The following ITGBL1 variants were observed in gnomAD, a reference collection of about 807,000 sequenced individuals.
ITGBL1 encodes integrin beta-like protein 1.
A neutral mutation model predicts 68.5 loss-of-function variants in ITGBL1; 51 were observed. The observed-to-expected ratio is 0.74, with a 90% CI of 0.59 to 0.94. ITGBL1 has a LOEUF of 0.94. Ranked by LOEUF, ITGBL1 falls within the 40% of genes least tolerant of loss-of-function variation. ITGBL1 has a pLI of 0.00. For missense variants in ITGBL1, 649 were observed against 647.4 expected, an observed-to-expected ratio of 1.00 and a Z score of -0.03; for synonymous variants, 209 against 227.3, an observed-to-expected ratio of 0.92 and a Z score of 0.72.
intron 2 of ITGBL1, among the ~76,000 whole-genome samples, chr13:101,535,786 A>T (rs940345134): frequency 3.3e-5 from 5 of 152,058 alleles, no homozygotes; most frequent in Non-Finnish European, 5.9e-5. Flanking sequence ...TCTGAAAAAA[A>T]TTTTTCCTTG....
chr13:101,527,096 T>C (rs1352895486), intron 2 of ITGBL1, among the ~76,000 whole-genome samples: 2 of 152,124 alleles, frequency 1.3e-5, no homozygotes, highest in Admixed American at 6.6e-5. Context: ...AAATCACATC[T>C]ATTAAGATAA....
At chr13:101,547,434 G>C (rs1378908598) in intron 2 of ITGBL1, among the ~76,000 whole-genome samples, 1 of 151,404 alleles carries the variant, frequency 6.6e-6, no homozygotes, top group Non-Finnish European at 1.5e-5. Flanking sequence ...TTCTTGTTTA[G>C]TAAGAAAAAT....
At chr13:101,646,902 A>T (rs537344033) in intron 7 of ITGBL1, among the ~76,000 whole-genome samples, 1 of 152,282 alleles carries the variant, frequency 6.6e-6, no homozygotes, top group East Asian at 1.9e-4. Flanking sequence ...TTCAAATATC[A>T]AAAGCTAAAT....
At chr13:101,604,507 A>C (rs1459465954) in intron 7 of ITGBL1, among the ~76,000 whole-genome samples, 1 of 151,726 alleles carries the variant, frequency 6.6e-6, no homozygotes, top group Non-Finnish European at 1.5e-5. Flanking sequence ...TTTTGCAGGG[A>C]ATCATGACAG....
intron 2 of ITGBL1, among the ~76,000 whole-genome samples, chr13:101,486,086 A>G (rs1010593294): frequency 1.6e-4 from 24 of 151,402 alleles, no homozygotes; most frequent in African/African-American, 5.8e-4. Context: ...TGTGGAACCA[A>G]CCTAAGTGTC....
chr13:101,660,581 T>G (rs911396524), intron 7 of ITGBL1, among the ~76,000 whole-genome samples: 4 of 152,222 alleles, frequency 2.6e-5, no homozygotes, highest in Admixed American at 1.3e-4. Flanking sequence ...CAGGTCCCTC[T>G]CATCTTCCTA....
chr13:101,720,127 A>G (rs1280122459), downstream of ITGBL1: 1 of 151,916 alleles, frequency 6.6e-6, no homozygotes, highest in Non-Finnish European at 1.5e-5. Context: ...ACAAACTACA[A>G]TGCAGACAGA....
At chr13:101,611,234 A>G (rs960237546) in intron 7 of ITGBL1, among the ~76,000 whole-genome samples, 5 of 152,176 alleles carry the variant, frequency 3.3e-5, no homozygotes, top group Non-Finnish European at 7.3e-5. Flanking sequence ...TAGAAATGCC[A>G]AGTTAACGTT....
In ITGBL1 at chr13:101,604,874, A is replaced by G. The variant is rs1435074346; in HGVS notation, c.1015+6575A>G. 1.4e-3 allele frequency among the ~76,000 whole-genome samples: 61 copies of G among 42,074 alleles called. 6 individuals are homozygous for G. Among genetic ancestry groups the G allele is most frequent in the Admixed American group, 1.8e-3 (5 of 2,828 alleles). The allele number at this position is 42,074 out of a possible 152,430, so 27.6% of individuals were successfully genotyped here. ...TATATATATATATATATATATATATATATATATATATATACACACACACAC... is the reference window on the plus strand; with the variant it reads ...TATATATATATATATATATATATATGTATATATATATATACACACACACAC... On this transcript the variant is annotated intron_variant, in intron 7 of 10. Coordinates refer to ENST00000376180, the MANE Select transcript of ITGBL1 (RefSeq NM_004791.3).
At chr13:101,670,322 A>G (rs1414975189) in intron 7 of ITGBL1, among the ~76,000 whole-genome samples, 1 of 152,152 alleles carries the variant, frequency 6.6e-6, no homozygotes. Context: ...AGGTTATTTA[A>G]ATGGACTTCC....
intron 2 of ITGBL1, among the ~76,000 whole-genome samples, chr13:101,529,111 A>C (rs2049429966): frequency 6.6e-6 from 1 of 152,022 alleles, no homozygotes; most frequent in Non-Finnish European, 1.5e-5. Context: ...AGAACAAATA[A>C]ACACATGGAT....
intron 7 of ITGBL1, among the ~76,000 whole-genome samples, chr13:101,615,236 C>G (rs1218744964): frequency 2.0e-5 from 3 of 152,048 alleles, no homozygotes; most frequent in African/African-American, 4.8e-5. Context: ...CCCATAAGCA[C>G]AATAGTCTTC....
chr13:101,562,823 A>G (rs1385381178), intron 2 of ITGBL1, among the ~76,000 whole-genome samples: 1 of 151,922 alleles, frequency 6.6e-6, no homozygotes, highest in Non-Finnish European at 1.5e-5. Context: ...CCAAATTGAC[A>G]TTTATAGAAC....
rs2034687592 is a variant in ITGBL1, at chr13:101,715,677, A to G, written c.*23A>G. Reference sequence around the variant, plus strand: ...TAACAATTACATGAGAGAGGTCTGGATTCTTATTTTTTCTGGGCCATTAGA... The same window carrying G: ...TAACAATTACATGAGAGAGGTCTGGGTTCTTATTTTTTCTGGGCCATTAGA... On this transcript the variant is annotated 3_prime_UTR_variant, in exon 11 of 11. Coordinates refer to ENST00000376180, the MANE Select transcript of ITGBL1 (RefSeq NM_004791.3). The G allele has an allele frequency of 1.3e-6, 2 of 1,512,094 alleles. No homozygotes were observed. The highest frequency in any genetic ancestry group is 1.8e-6 in the Non-Finnish European group (2 of 1,087,338). 93.7% of individuals were successfully genotyped at this position (1,512,094 alleles called of 1,614,324 possible).
At chr13:101,559,113 A>G (rs2050059015) in intron 2 of ITGBL1, among the ~76,000 whole-genome samples, 1 of 152,196 alleles carries the variant, frequency 6.6e-6, no homozygotes, top group African/African-American at 2.4e-5. Flanking sequence ...TAAACATATC[A>G]TGATTATCTG....
At chr13:101,708,280 G>A (rs906948895) in intron 9 of ITGBL1, among the ~76,000 whole-genome samples, 5 of 152,156 alleles carry the variant, frequency 3.3e-5, no homozygotes, top group Admixed American at 6.5e-5. Flanking sequence ...CTCACCTCAT[G>A]TCTGGGGAGC....
intron 9 of ITGBL1, chr13:101,712,118 C>T (rs1436765395): frequency 6.6e-6 from 1 of 152,206 alleles, no homozygotes; most frequent in Non-Finnish European, 1.5e-5. Context: ...GTCCTAATAA[C>T]TATTCACACT....
At chr13:101,550,989 A>C (rs1460671648) in intron 2 of ITGBL1, among the ~76,000 whole-genome samples, 2 of 152,214 alleles carry the variant, frequency 1.3e-5, no homozygotes, top group Admixed American at 1.3e-4. Context: ...TTCAGAATAC[A>C]TGTTCCAGTC....
In ITGBL1 at chr13:101,652,545, T is replaced by C. The variant is rs952085520; in HGVS notation, c.1016-40040T>C. Among the ~76,000 whole-genome samples the C allele has an allele frequency of 2.6e-5, 4 of 152,190 alleles. No individual in the cohort carries two copies. In the East Asian group the frequency reaches 7.7e-4, roughly 29 times the overall value. Reference sequence around the variant, plus strand: ...GGCAGGCCTATTTCTTGCATACCTGTGATTTCAGGACATTTTCAGAAGTCC... The same window carrying C: ...GGCAGGCCTATTTCTTGCATACCTGCGATTTCAGGACATTTTCAGAAGTCC... On this transcript the variant is annotated intron_variant, in intron 7 of 10. Transcript: ENST00000376180.
Sources: gnomAD v4.1 joint callset for allele counts (sites outside exome capture counted in the v4.1 genomes callset) on GRCh38, gnomAD v4.1.1 for gene constraint, MANE v1.5 for transcripts, NCBI Gene and HGNC (gene_info 2026-07-23, HGNC 2026-07-21) for gene names.